Variants in TFB1M observed in about 807,000 individuals in gnomAD.
TFB1M encodes the protein transcription factor B1, mitochondrial.
Under a neutral mutation model 31.1 loss-of-function variants are expected in TFB1M, and 27 were observed. The ratio of observed to expected loss-of-function variants is 0.87; its 90% CI spans 0.64 to 1.20. The LOEUF is 1.20. TFB1M is among the 50% of genes most tolerant of loss of function. TFB1M has a pLI of 0.00. For synonymous variants in TFB1M, 166 were observed against 151.8 expected (o/e 1.09, Z -0.69); for missense variants, 394 against 418.7 (o/e 0.94, Z 0.51).
rs1417363698 is a variant in TFB1M, at chr6:155,305,528, AT to A, written c.285+5659del. ...AATTATATATTTATATATATATTAA[AT>A]TATATATTTATATATATAAATATAT... On this transcript the variant is annotated intron_variant, in intron 2 of 6. Coordinates refer to ENST00000367166, the MANE Select transcript of TFB1M (RefSeq NM_016020.4). 1.5e-4 allele frequency among the ~76,000 whole-genome samples: 8 copies of A among 52,204 alleles called. 1 individual carries two copies. Among genetic ancestry groups the A allele is most frequent in the Non-Finnish European group, 2.4e-4 (8 of 33,252 alleles). 34.2% of individuals were successfully genotyped at this position (52,204 alleles called of 152,430 possible). A position where few individuals can be genotyped will look rare whatever the true frequency, so the allele number is the denominator to read the frequency against.
chr6:155,276,096 T>C lies in TFB1M; in HGVS notation c.666+9062A>G, dbSNP rs779250552. 16 of 1,614,102 alleles carry C rather than the reference T, an allele frequency of 9.9e-6. No individual in the cohort carries two copies. In the African/African-American group the frequency reaches 1.3e-4, roughly 13 times the overall value. On this transcript the variant is annotated intron_variant, in intron 5 of 6. Coordinates refer to ENST00000367166, the MANE Select transcript of TFB1M (RefSeq NM_016020.4). ...TCCTTTGCTGGAGGAGTCTGTTTCA[T>C]GTCTGCAGGAATCTCTAGTTTAATC...
intron 2 of TFB1M, among the ~76,000 whole-genome samples, chr6:155,307,034 T>C (rs1000534056): frequency 6.6e-6 from 1 of 151,916 alleles, no homozygotes; most frequent in East Asian, 1.9e-4. Context: ...AGTGGGAGGA[T>C]TGCTTGAGCC....
Position 155,256,355 on chromosome 6 carries a change from T to C in TFB1M, c.*1481A>G. The C allele has an allele frequency of 7.3e-7, 1 of 1,368,584 alleles. No homozygotes were observed. The highest frequency in any genetic ancestry group is 1.4e-5 in the South Asian group (1 of 69,056). The allele number at this position is 1,368,584 out of a possible 1,614,324, so 84.8% of individuals were successfully genotyped here. A position where few individuals can be genotyped will look rare whatever the true frequency, so the allele number is the denominator to read the frequency against. On this transcript the variant is annotated 3_prime_UTR_variant, in exon 7 of 7. Coordinates refer to ENST00000367166, the MANE Select transcript of TFB1M (RefSeq NM_016020.4). ...CTACATTTTTGCCTAATTACCAGGA[T>C]AGTTGCTAACTGAAGTCATATCATA... is the stretch of plus-strand genomic sequence containing the variant.
chr6:155,236,945 T>TA, the TFB1M span, among the ~76,000 whole-genome samples: 4 of 152,184 alleles, frequency 2.6e-5, no homozygotes, highest in Non-Finnish European at 5.9e-5. Flanking sequence ...AAATCTCATA[T>TA]CTTCACATTT....
the TFB1M span, among the ~76,000 whole-genome samples, chr6:155,245,885 A>G: frequency 6.6e-6 from 1 of 151,966 alleles, no homozygotes; most frequent in Non-Finnish European, 1.5e-5. Flanking sequence ...TTAAAGGGAA[A>G]GGTTTCTGTT....
chr6:155,273,639 C>T (rs1023396015), intron 5 of TFB1M, among the ~76,000 whole-genome samples: 2 of 152,054 alleles, frequency 1.3e-5, no homozygotes, highest in Non-Finnish European at 2.9e-5. Context: ...CCCTGGTTCC[C>T]AAGGGAAACA....
At chr6:155,286,621 A>G (rs1449484225) in intron 4 of TFB1M, among the ~76,000 whole-genome samples, 1 of 144,866 alleles carries the variant, frequency 6.9e-6, no homozygotes, top group African/African-American at 2.5e-5. Context: ...ATATATGTGT[A>G]TATATGTGTG....
intron 5 of TFB1M, among the ~76,000 whole-genome samples, chr6:155,270,608 T>C (rs533926565): frequency 2.0e-5 from 3 of 152,302 alleles, no homozygotes; most frequent in African/African-American, 4.8e-5. Context: ...GTTTTGAGAA[T>C]AGAAATGTAC....
intron 2 of TFB1M, among the ~76,000 whole-genome samples, chr6:155,307,008 C>A (rs778057047): frequency 2.6e-5 from 4 of 151,988 alleles, no homozygotes; most frequent in Non-Finnish European, 1.5e-5. Flanking sequence ...GTAGTTCCAC[C>A]TACTCAAGAG....
At chr6:155,251,103 C>A in the TFB1M span, 1 of 1,198,052 alleles carries the variant, frequency 8.3e-7, no homozygotes, top group Non-Finnish European at 1.2e-6. Flanking sequence ...CAGTCCAGCT[C>A]ACTCCTGAGC....
At chr6:155,297,324 T>C (rs1777222587) in intron 3 of TFB1M, among the ~76,000 whole-genome samples, 1 of 152,184 alleles carries the variant, frequency 6.6e-6, no homozygotes, top group Admixed American at 6.5e-5. Flanking sequence ...TACTGCTCAG[T>C]TACTCAGAGA....
At chr6:155,306,868 C>A (rs574268556) in intron 2 of TFB1M, among the ~76,000 whole-genome samples, 1 of 152,248 alleles carries the variant, frequency 6.6e-6, no homozygotes, top group South Asian at 2.1e-4. Flanking sequence ...TGCCTGTAAT[C>A]CCAGCATCTT....
At chr6:155,285,043 GT>G (rs1776564239) in intron 5 of TFB1M, 114 bp downstream of exon 5, 1 of 1,331,728 alleles carries the variant, frequency 7.5e-7, no homozygotes. Flanking sequence ...GTAAAGTACA[GT>G]GTCAGTTTGC....
At chr6:155,277,483 G>C (rs1480692258) in intron 5 of TFB1M, among the ~76,000 whole-genome samples, 2 of 152,082 alleles carry the variant, frequency 1.3e-5, no homozygotes, top group South Asian at 2.1e-4. Flanking sequence ...TGATTCAATG[G>C]TAAAGGGGAA....
intron 5 of TFB1M, among the ~76,000 whole-genome samples, chr6:155,274,715 T>C (rs1382097581): frequency 3.3e-5 from 5 of 152,248 alleles, no homozygotes; most frequent in Non-Finnish European, 5.9e-5. Flanking sequence ...GGGATAACCA[T>C]GCCAGTGACT....
At chr6:155,251,140 T>C (rs1013459077), downstream of TFB1M, 20 of 840,494 alleles carry the variant, frequency 2.4e-5, no homozygotes, top group Admixed American at 1.6e-4. Flanking sequence ...GCTATAATGG[T>C]TGGGGACTTA....
At chr6:155,276,505 T>C in intron 5 of TFB1M, 1 of 854,142 alleles carries the variant, frequency 1.2e-6, no homozygotes, top group Non-Finnish European at 1.8e-6. Context: ...CTTTAACAAC[T>C]ACAAAGTAGT....
chr6:155,295,268 A>G (rs1422876984), intron 4 of TFB1M, among the ~76,000 whole-genome samples: 1 of 152,008 alleles, frequency 6.6e-6, no homozygotes, highest in Non-Finnish European at 1.5e-5. Flanking sequence ...CGGGAGGCTG[A>G]GGCAGGAGAA....
At chr6:155,245,466 G>A in the TFB1M span, among the ~76,000 whole-genome samples, 1 of 152,210 alleles carries the variant, frequency 6.6e-6, no homozygotes, top group South Asian at 2.1e-4. Context: ...GAGCGCCTGG[G>A]CTGTTCCCCA....
Sources: gnomAD v4.1 joint callset for allele counts (sites outside exome capture counted in the v4.1 genomes callset) on GRCh38, gnomAD v4.1.1 for gene constraint, MANE v1.5 for transcripts, NCBI Gene and HGNC (gene_info 2026-07-23, HGNC 2026-07-21) for gene names.